The following MRPL13 variants were observed in gnomAD, a reference collection of about 807,000 sequenced individuals.
The protein encoded by MRPL13 is large ribosomal subunit protein uL13m.
Under a neutral mutation model 29.0 loss-of-function variants are expected in MRPL13, and 33 were observed. That is an observed-to-expected ratio of 1.14 (90% CI 0.86 to 1.52). The LOEUF (loss-of-function observed/expected upper bound fraction) is 1.52, where lower values mean the gene tolerates loss of function less well. Ranked by LOEUF, MRPL13 falls within the 40% of genes most tolerant of loss-of-function variation. MRPL13 has a pLI of 0.00. For synonymous variants in MRPL13, 77 were observed against 68.4 expected, an observed-to-expected ratio of 1.13 and a Z score of -0.62; for missense variants, 227 against 216.7, an observed-to-expected ratio of 1.05 and a Z score of -0.30.
At chr8:120,441,058 T>C (rs1262751884) in intron 2 of MRPL13, among the ~76,000 whole-genome samples, 2 of 151,964 alleles carry the variant, frequency 1.3e-5, no homozygotes, top group Non-Finnish European at 2.9e-5. Flanking sequence ...ATTTTTTTGG[T>C]TGAACAAAGA....
At chr8:120,409,509 T>C (rs1812717459) in intron 6 of MRPL13, among the ~76,000 whole-genome samples, 1 of 152,184 alleles carries the variant, frequency 6.6e-6, no homozygotes, top group Non-Finnish European at 1.5e-5. Flanking sequence ...ATTTTAAAGC[T>C]ACAATCTTAA....
At chr8:120,404,493 C>T (rs892785021) in intron 6 of MRPL13, among the ~76,000 whole-genome samples, 26 of 152,176 alleles carry the variant, frequency 1.7e-4, no homozygotes, top group Non-Finnish European at 3.1e-4. Flanking sequence ...CCACCTCAAA[C>T]GTTACATTTT....
intron 5 of MRPL13, among the ~76,000 whole-genome samples, chr8:120,417,026 TC>T (rs1195475449): frequency 6.6e-5 from 10 of 152,242 alleles, no homozygotes; most frequent in African/African-American, 2.4e-4. Flanking sequence ...TAGTCTAGTC[TC>T]CTTTTATCGT....
chr8:120,395,926 T>G lies in MRPL13; in HGVS notation c.*178A>C. On this transcript the variant is annotated 3_prime_UTR_variant, in exon 7 of 7. Coordinates refer to ENST00000306185, the MANE Select transcript of MRPL13 (RefSeq NM_014078.6). The stretch of plus-strand genomic sequence containing the variant: ...ATAAAAATGGTTCTATAAAATTATA[T>G]TTTAATTACAATTTCCTATTGAAGG... The G allele has an allele frequency of 2.3e-5, 12 of 513,584 alleles. No individual in the cohort carries two copies. The highest frequency in any genetic ancestry group is 3.0e-5 in the South Asian group (1 of 33,542). The allele number at this position is 513,584 out of a possible 1,614,324, so 31.8% of individuals were successfully genotyped here. A position where few individuals can be genotyped will look rare whatever the true frequency, so the allele number is the denominator to read the frequency against.
chr8:120,421,717 T>C (rs989866900), intron 4 of MRPL13, among the ~76,000 whole-genome samples: 3 of 151,874 alleles, frequency 2.0e-5, no homozygotes, highest in African/African-American at 7.2e-5. Flanking sequence ...CATTTTACAA[T>C]CCATTTCAAT....
chr8:120,424,381 G>A (rs1214325173), intron 4 of MRPL13, among the ~76,000 whole-genome samples: 1 of 152,098 alleles, frequency 6.6e-6, no homozygotes, highest in Admixed American at 6.6e-5. Flanking sequence ...CAGGTGTTTG[G>A]GAGGCCAAAA....
intron 2 of MRPL13, among the ~76,000 whole-genome samples, chr8:120,437,795 A>G (rs1813072461): frequency 6.6e-6 from 1 of 152,158 alleles, no homozygotes; most frequent in Non-Finnish European, 1.5e-5. Flanking sequence ...TCAGTACATT[A>G]TTTGTTAATT....
chr8:120,395,987 G>T lies in MRPL13; in HGVS notation c.*117C>A. ...CCTGACCTTTCCCCACAGTGATTCG[G>T]CACATAAAACAGGTGCTGAACTGTA... is the stretch of plus-strand genomic sequence containing the variant. On this transcript the variant is annotated 3_prime_UTR_variant, in exon 7 of 7. Coordinates refer to ENST00000306185, the MANE Select transcript of MRPL13 (RefSeq NM_014078.6). The T allele has an allele frequency of 1.3e-6, 1 of 766,746 alleles. No individual in the cohort carries two copies. The allele number at this position is 766,746 out of a possible 1,614,324, so 47.5% of individuals were successfully genotyped here.
intron 6 of MRPL13, among the ~76,000 whole-genome samples, chr8:120,407,787 T>C (rs1234159289): frequency 6.6e-6 from 1 of 152,240 alleles, no homozygotes; most frequent in Non-Finnish European, 1.5e-5. Context: ...TGAGTGTAGC[T>C]TAAGTGTAAT....
Position 120,411,184 on chromosome 8 carries a change from A to C in MRPL13, c.515+2807T>G, listed in dbSNP as rs373514589. ...TCAAGAGATCCTCCTGCCTCAGACTACCAAGTAGCTGGGACTACAGGTGTG... is the reference window on the plus strand; with the variant it reads ...TCAAGAGATCCTCCTGCCTCAGACTCCCAAGTAGCTGGGACTACAGGTGTG... On this transcript the variant is annotated intron_variant, in intron 6 of 6. Coordinates refer to ENST00000306185, the MANE Select transcript of MRPL13 (RefSeq NM_014078.6). 8.0e-4 allele frequency among the ~76,000 whole-genome samples: 121 copies of C among 152,004 alleles called. 1 individual carries two copies. The highest frequency in any genetic ancestry group is 2.7e-3 in the African/African-American group (114 of 41,492).
intron 6 of MRPL13, among the ~76,000 whole-genome samples, chr8:120,405,887 C>G (rs1478939689): frequency 6.6e-6 from 1 of 152,180 alleles, no homozygotes; most frequent in Non-Finnish European, 1.5e-5. Flanking sequence ...TAGCACATTA[C>G]TTTTCATACT....
At chr8:120,430,132 C>G (rs1286672173) in intron 3 of MRPL13, among the ~76,000 whole-genome samples, 1 of 151,964 alleles carries the variant, frequency 6.6e-6, no homozygotes, top group Non-Finnish European at 1.5e-5. Flanking sequence ...CATGGTGGTG[C>G]ACACCTGTAG....
intron 6 of MRPL13, among the ~76,000 whole-genome samples, chr8:120,403,072 T>C (rs949129733): frequency 3.9e-5 from 6 of 152,152 alleles, no homozygotes; most frequent in East Asian, 3.9e-4. Flanking sequence ...AGTTCAACCA[T>C]TGTGAAAGAC....
chr8:120,413,055 TAG>T (rs1424197922), intron 6 of MRPL13, among the ~76,000 whole-genome samples: 4 of 152,202 alleles, frequency 2.6e-5, no homozygotes, highest in African/African-American at 9.6e-5. Flanking sequence ...GCCATGAGTG[TAG>T]AGAGACAAAT....
At chr8:120,401,069 G>C (rs1166986511) in intron 6 of MRPL13, among the ~76,000 whole-genome samples, 1 of 151,930 alleles carries the variant, frequency 6.6e-6, no homozygotes, top group African/African-American at 2.4e-5. Flanking sequence ...TTTTACCAGA[G>C]GTATAAAGAA....
intron 4 of MRPL13, among the ~76,000 whole-genome samples, chr8:120,421,807 T>C (rs1224296576): frequency 6.6e-6 from 1 of 151,832 alleles, no homozygotes; most frequent in East Asian, 1.9e-4. Context: ...AGTTATACTA[T>C]ACTGCCTCCT....
intron 3 of MRPL13, among the ~76,000 whole-genome samples, chr8:120,429,585 T>C (rs1812975537): frequency 6.6e-6 from 1 of 151,640 alleles, no homozygotes; most frequent in African/African-American, 2.4e-5. Context: ...AACAGAACAA[T>C]GATCAAGTAT....
rs749784400 is a variant in MRPL13, at chr8:120,425,403, G to A, written c.246-37C>T. On this transcript the variant is annotated intron_variant, in intron 3 of 6. Coordinates refer to ENST00000306185, the MANE Select transcript of MRPL13 (RefSeq NM_014078.6). ...AGAAAAGACATTAAAACTGGGCATA[G>A]GCTGATACTGTATTCTTAAACTGAT... 1.8e-5 allele frequency: 25 copies of A among 1,375,068 alleles called. No homozygotes were observed. In the South Asian group the frequency reaches 2.9e-4, roughly 16 times the overall value. The allele number at this position is 1,375,068 out of a possible 1,614,324, so 85.2% of individuals were successfully genotyped here.
At chr8:120,442,692 C>CT (rs1813137558) in intron 2 of MRPL13, among the ~76,000 whole-genome samples, 1 of 152,040 alleles carries the variant, frequency 6.6e-6, no homozygotes, top group South Asian at 2.1e-4. Context: ...ACGAAAACAA[C>CT]TTTTTAATTT....
Sources: gnomAD v4.1 joint callset for allele counts (sites outside exome capture counted in the v4.1 genomes callset) on GRCh38, gnomAD v4.1.1 for gene constraint, MANE v1.5 for transcripts, NCBI Gene and HGNC (gene_info 2026-07-23, HGNC 2026-07-21) for gene names.